Variants in MXD4 observed in about 807,000 individuals in gnomAD.
The protein encoded by MXD4 is MAX dimerization protein 4.
A neutral mutation model predicts 24.5 loss-of-function variants in MXD4; 16 were observed. The ratio of observed to expected loss-of-function variants is 0.65; its 90% CI spans 0.44 to 0.99. The LOEUF (loss-of-function observed/expected upper bound fraction) is 0.99, where lower values mean the gene tolerates loss of function less well. MXD4 is among the 50% of genes least tolerant of loss of function. The pLI is 0.00. For synonymous variants in MXD4, 164 were observed against 134.2 expected, an observed-to-expected ratio of 1.22 and a Z score of -1.54; for missense variants, 301 against 301.5, an observed-to-expected ratio of 1.00 and a Z score of 0.01.
At chr4:2,258,071 A>G in intron 2 of MXD4, 60 bp from the exon 3 acceptor site, 2 of 1,605,298 alleles carry the variant, frequency 1.2e-6, no homozygotes, top group Non-Finnish European at 1.7e-6. Context: ...GGGCACAGAG[A>G]GCAGTGCTCT....
intron 3 of MXD4, among the ~76,000 whole-genome samples, chr4:2,256,854 C>T (rs1204724604): frequency 2.0e-5 from 3 of 151,948 alleles, no homozygotes; most frequent in African/African-American, 4.8e-5. Flanking sequence ...GGGCTGTCCT[C>T]CCAGGGACCG....
intron 3 of MXD4, chr4:2,255,145 C>T (rs1735401252): frequency 2.6e-6 from 1 of 379,324 alleles, no homozygotes; most frequent in African/African-American, 2.1e-5. Context: ...CGCAGGCGGA[C>T]AGGACTTACG....
At chr4:2,261,185 G>T (rs77324180) in intron 2 of MXD4, among the ~76,000 whole-genome samples, 1 of 152,218 alleles carries the variant, frequency 6.6e-6, no homozygotes, top group African/African-American at 2.4e-5. Context: ...GGAGGAGTGA[G>T]GGCCCAGGAC....
rs139519637 is a variant in MXD4, at chr4:2,260,758, T to C, written c.164+967A>G. Among the ~76,000 whole-genome samples, 79 of 152,286 alleles carry C rather than the reference T, an allele frequency of 5.2e-4. 1 individual carries two copies. In the East Asian group the frequency reaches 0.013, roughly 26 times the overall value. The stretch of plus-strand genomic sequence containing the variant: ...AGCCTTTCGGATTCCCTAGAACAGG[T>C]GGACCACAGGAATGAGCCATGCCCT... On this transcript the variant is annotated intron_variant, in intron 2 of 5. Coordinates refer to ENST00000337190, the MANE Select transcript of MXD4 (RefSeq NM_006454.3).
At chr4:2,261,409 C>T (rs1735541440) in intron 2 of MXD4, among the ~76,000 whole-genome samples, 1 of 152,140 alleles carries the variant, frequency 6.6e-6, no homozygotes, top group African/African-American at 2.4e-5. Context: ...TTTCTACCGC[C>T]TGGAAAAGTC....
At chr4:2,258,126 T>C in intron 2 of MXD4, 115 bp from the exon 3 acceptor site, 1 of 1,330,578 alleles carries the variant, frequency 7.5e-7, no homozygotes, top group Non-Finnish European at 1.0e-6. Context: ...TGTGTCTGGG[T>C]CCTGGAATGG....
intron 4 of MXD4, 147 bp downstream of exon 4, chr4:2,252,261 C>T (rs1252377505): frequency 6.0e-6 from 4 of 664,712 alleles, no homozygotes; most frequent in Middle Eastern, 4.1e-4. Flanking sequence ...ACCAGGCCCC[C>T]GACACACACC....
chr4:2,260,884 C>A (rs1331446828), intron 2 of MXD4, among the ~76,000 whole-genome samples: 1 of 152,200 alleles, frequency 6.6e-6, no homozygotes, highest in African/African-American at 2.4e-5. Flanking sequence ...ATGGTCCTCA[C>A]AGCAGCCAGG....
At chr4:2,257,058 T>G (rs565593235) in intron 3 of MXD4, among the ~76,000 whole-genome samples, 1 of 152,168 alleles carries the variant, frequency 6.6e-6, no homozygotes, top group Non-Finnish European at 1.5e-5. Context: ...GGAAGTGCAG[T>G]TCCTCAGAGA....
At chr4:2,259,041 G>A in intron 2 of MXD4, 1 of 444,796 alleles carries the variant, frequency 2.2e-6, no homozygotes, top group Non-Finnish European at 4.5e-6. Context: ...AGGGCTCCCG[G>A]GCCTCCCAGG....
Position 2,252,414 on chromosome 4 carries a change from G to T in MXD4, c.303C>A (p.His101Gln). The T allele has an allele frequency of 6.2e-7, 1 of 1,612,354 alleles. No individual in the cohort carries two copies. The change falls in exon 4 of 6, where the codon CAC becomes CAA. Residue 101 changes from histidine to glutamine, a missense_variant. Coordinates refer to ENST00000337190, the MANE Select transcript of MXD4 (RefSeq NM_006454.3). ...GAGAGCAAGGCCCACTCACCTTGAT[G>T]TGCACCTTGGCCCGCTTCAGGAGGC... ...TLSLLKRAKVHIKKLEEQDRR... is the reference protein window; with the variant it reads ...TLSLLKRAKVQIKKLEEQDRR...
chr4:2,256,844 G>A (rs559587307), intron 3 of MXD4, among the ~76,000 whole-genome samples: 1 of 152,204 alleles, frequency 6.6e-6, no homozygotes, highest in South Asian at 2.1e-4. Flanking sequence ...CCCCATTGGG[G>A]GGCTGTCCTC....
At chr4:2,260,674 T>G in intron 2 of MXD4, 1 of 431,468 alleles carries the variant, frequency 2.3e-6, no homozygotes, top group Non-Finnish European at 4.7e-6. Context: ...CCAGGGCAGC[T>G]GGAGACTCAA....
intron 3 of MXD4, chr4:2,255,344 C>T (rs1011588799): frequency 1.5e-5 from 7 of 456,120 alleles, no homozygotes; most frequent in South Asian, 4.6e-5. Context: ...TTAGAAATCA[C>T]GGAACACCTT....
intron 3 of MXD4, chr4:2,255,246 G>A (rs933919532): frequency 6.7e-6 from 3 of 449,996 alleles, no homozygotes; most frequent in African/African-American, 4.0e-5. Context: ...GTGCCCGCGG[G>A]GAGCAGTGGA....
In MXD4 at chr4:2,261,948, C is replaced by A; in HGVS notation, c.33G>T (p.Glu11Asp). The A allele has an allele frequency of 6.9e-7, 1 of 1,454,082 alleles. No homozygotes were observed. The highest frequency in any genetic ancestry group is 9.1e-7 in the Non-Finnish European group (1 of 1,099,754). The allele number at this position is 1,454,082 out of a possible 1,614,324, so 90.1% of individuals were successfully genotyped here. Residue 11 changes from glutamate to aspartate, a missense_variant, in exon 1 of 6, where the codon GAG (glutamate) becomes GAT (aspartate). By Grantham distance (45) the Glu-to-Asp change is conservative. Transcript: ENST00000337190. MELNSLLILL[E>D]AAEYLERRDR... ...CCCTGCGCTCCAGGTACTCGGCCGC[C>A]TCCAGCAGGATCAGCAGGGAGTTCA...
rs1172639341 is a variant in MXD4, at chr4:2,250,583, C to A, written c.591G>T (p.Gly197=). 1 of 1,608,272 alleles carries A rather than the reference C, an allele frequency of 6.2e-7. No homozygotes were observed. Among genetic ancestry groups the A allele is most frequent in the Admixed American group, 1.7e-5 (1 of 59,618 alleles). ...QSGTGGDSGF[G]PHCRRLGRPA... is the part of the protein sequence containing the mutation. Reference sequence around the variant, plus strand: ...GGCGGCCCAGCCGCCGGCAGTGGGGCCCGAAGCCACTGTCGCCGCCGGTGC... The same window carrying A: ...GGCGGCCCAGCCGCCGGCAGTGGGGACCGAAGCCACTGTCGCCGCCGGTGC... Residue 197 remains glycine, a synonymous_variant, in exon 6 of 6, where the codon GGG becomes GGT. Transcript: ENST00000337190.
chr4:2,259,463 C>T (rs1735495617), intron 2 of MXD4, among the ~76,000 whole-genome samples: 1 of 152,244 alleles, frequency 6.6e-6, no homozygotes, highest in South Asian at 2.1e-4. Flanking sequence ...TTTCTGCTTC[C>T]CCAGAATAGG....
In MXD4 at chr4:2,251,169, G is replaced by A; in HGVS notation, c.387C>T (p.Arg129=). The change falls in exon 5 of 6, where the codon CGC becomes CGT. Residue 129 remains arginine, a synonymous_variant. Coordinates refer to ENST00000337190, the MANE Select transcript of MXD4 (RefSeq NM_006454.3). The part of the protein sequence containing the change: ...LQQEHRFLKR[R]LEQLSVQSVE... ...CGCTCTGCACCGACAGCTGCTCCAG[G>A]CGCCGCTTCAGGAAACGATGCTCCT... The A allele has an allele frequency of 6.2e-7, 1 of 1,601,792 alleles. No homozygotes were observed.
Sources: gnomAD v4.1 joint callset for allele counts (sites outside exome capture counted in the v4.1 genomes callset) on GRCh38, gnomAD v4.1.1 for gene constraint, MANE v1.5 for transcripts, NCBI Gene and HGNC (gene_info 2026-07-23, HGNC 2026-07-21) for gene names.